The following ERN1 variants were observed in gnomAD, a reference collection of about 807,000 sequenced individuals.
ERN1 encodes the protein serine/threonine-protein kinase/endoribonuclease IRE1.
A neutral mutation model predicts 113.1 loss-of-function variants in ERN1; 39 were observed. The ratio of observed to expected loss-of-function variants is 0.34; its 90% CI spans 0.27 to 0.45. The LOEUF is 0.45. Ranked by LOEUF, ERN1 falls within the 20% of genes least tolerant of loss-of-function variation. The pLI is 1.00. For missense variants in ERN1, 976 were observed against 1,274.8 expected, an observed-to-expected ratio of 0.77 and a Z score of 3.57; for synonymous variants, 507 against 515.9, an observed-to-expected ratio of 0.98 and a Z score of 0.23.
At chr17:64,127,501 C>A (rs944616041) in intron 1 of ERN1, among the ~76,000 whole-genome samples, 1 of 152,066 alleles carries the variant, frequency 6.6e-6, no homozygotes, top group Non-Finnish European at 1.5e-5. Flanking sequence ...TGCCTGTAAT[C>A]CCAGCATTTT....
intron 6 of ERN1, among the ~76,000 whole-genome samples, chr17:64,071,532 T>C (rs548914938): frequency 3.9e-4 from 59 of 152,254 alleles, no homozygotes; most frequent in Admixed American, 8.5e-4. Context: ...GCAATTCTCC[T>C]GCCTCAGCCT....
intron 4 of ERN1, among the ~76,000 whole-genome samples, chr17:64,077,788 C>G (rs1030614174): frequency 1.3e-5 from 2 of 151,688 alleles, no homozygotes; most frequent in African/African-American, 4.8e-5. Context: ...CTCTGTTGCC[C>G]AGGCTGGAGT....
At chr17:64,058,043 C>T (rs370215062) in intron 11 of ERN1, 50 bp from the exon 12 acceptor site, 10 of 1,347,200 alleles carry the variant, frequency 7.4e-6, no homozygotes, top group Non-Finnish European at 9.1e-6. Context: ...TAGCCAGATA[C>T]AGATGAGGCC....
At chr17:64,058,320 G>T (rs909514746) in intron 11 of ERN1, among the ~76,000 whole-genome samples, 3 of 152,102 alleles carry the variant, frequency 2.0e-5, no homozygotes, top group Non-Finnish European at 4.4e-5. Flanking sequence ...TTGATGGTAG[G>T]TTCAGTATCC....
intron 6 of ERN1, among the ~76,000 whole-genome samples, chr17:64,069,747 G>C (rs978743585): frequency 1.3e-5 from 2 of 152,288 alleles, no homozygotes; most frequent in East Asian, 3.9e-4. Flanking sequence ...GAAAGACCCT[G>C]TCTCTTTAAT....
At chr17:64,088,773 G>T (rs756721725) in intron 2 of ERN1, among the ~76,000 whole-genome samples, 9 of 152,154 alleles carry the variant, frequency 5.9e-5, no homozygotes, top group Non-Finnish European at 1.3e-4. Flanking sequence ...GTGGGGACCG[G>T]AATACTCGGA....
intron 2 of ERN1, among the ~76,000 whole-genome samples, chr17:64,084,686 G>T (rs983075024): frequency 1.3e-5 from 2 of 152,174 alleles, no homozygotes; most frequent in Non-Finnish European, 2.9e-5. Context: ...ATCCTTTGGT[G>T]GTTCCCCATC....
chr17:64,060,059 G>A (rs902857639), intron 11 of ERN1, among the ~76,000 whole-genome samples: 4 of 151,960 alleles, frequency 2.6e-5, no homozygotes, highest in Admixed American at 2.6e-4. Context: ...TTTTACCCAT[G>A]TGAGCCCATT....
chr17:64,082,804 CA>C (rs1249519764), intron 2 of ERN1, among the ~76,000 whole-genome samples: 1 of 152,008 alleles, frequency 6.6e-6, no homozygotes, highest in East Asian at 1.9e-4. Flanking sequence ...TGGCAGGAGA[CA>C]GGGGAAGATT....
intron 17 of ERN1, among the ~76,000 whole-genome samples, chr17:64,051,318 T>C (rs575299167): frequency 1.3e-5 from 2 of 152,308 alleles, no homozygotes; most frequent in African/African-American, 2.4e-5. Context: ...GTAAACAGGA[T>C]ATTCACATTG....
rs1598039474 is a variant in ERN1 at position 64,041,690 on chromosome 17, C to A, written c.*2298G>T. 6.6e-6 allele frequency: 1 copy of A among 152,208 alleles called. No individual in the cohort carries two copies. Among genetic ancestry groups the A allele is most frequent in the South Asian group, 2.1e-4 (1 of 4,832 alleles). 9.4% of individuals were successfully genotyped at this position (152,208 alleles called of 1,614,324 possible). A position where few individuals can be genotyped will look rare whatever the true frequency, so the allele number is the denominator to read the frequency against. Reference sequence around the variant, plus strand: ...TAAACCGCAAACACGCGCCCTTCCCCACACACTTTGGTTTCTTTGTGGCAG... The same window carrying A: ...TAAACCGCAAACACGCGCCCTTCCCAACACACTTTGGTTTCTTTGTGGCAG... On this transcript the variant is annotated 3_prime_UTR_variant, in exon 22 of 22. Coordinates refer to ENST00000433197, the MANE Select transcript of ERN1 (RefSeq NM_001433.5).
At chr17:64,068,330 G>T in intron 6 of ERN1, 39 bp from the exon 7 acceptor site, 1 of 1,397,786 alleles carries the variant, frequency 7.2e-7, no homozygotes, top group Non-Finnish European at 1.0e-6. Context: ...ACCACGGAGG[G>T]GCCATAGTAC....
Position 64,040,131 on chromosome 17 carries a change from G to C in ERN1, c.*3857C>G, listed in dbSNP as rs764671349. ...CCAAAATAACTCCAGGTTGGTGAGG[G>C]AAGGGACAAGGAAAAGAAACACTGG... is the stretch of plus-strand genomic sequence containing the variant. On this transcript the variant is annotated 3_prime_UTR_variant, in exon 22 of 22. Coordinates refer to ENST00000433197, the MANE Select transcript of ERN1 (RefSeq NM_001433.5). 2 of 152,276 alleles carry C rather than the reference G, an allele frequency of 1.3e-5. No individual in the cohort carries two copies. The highest frequency in any genetic ancestry group is 4.8e-5 in the African/African-American group (2 of 41,424). The allele number at this position is 152,276 out of a possible 1,614,324, so 9.4% of individuals were successfully genotyped here.
In ERN1 at chr17:64,040,761, G is replaced by A. The variant is rs1422025100; in HGVS notation, c.*3227C>T. The A allele has an allele frequency of 1.3e-5, 2 of 152,202 alleles. No individual in the cohort carries two copies. Among genetic ancestry groups the A allele is most frequent in the African/African-American group, 4.8e-5 (2 of 41,426 alleles). The allele number at this position is 152,202 out of a possible 1,614,324, so 9.4% of individuals were successfully genotyped here. ...CTGCGCACCCAGGATTTCACACTTAGCCACTAGATTGCTTCACAGCTAATC... is the reference window on the plus strand; with the variant it reads ...CTGCGCACCCAGGATTTCACACTTAACCACTAGATTGCTTCACAGCTAATC... On this transcript the variant is annotated 3_prime_UTR_variant, in exon 22 of 22. Transcript: ENST00000433197.
chr17:64,105,011 T>TAC (rs58443262), intron 1 of ERN1, among the ~76,000 whole-genome samples: 15,408 of 150,736 alleles, frequency 0.1, 1,019 homozygotes, highest in African/African-American at 0.19. Context: ...AAAAGGCGTG[T>TAC]ACACACACAC....
Position 64,065,285 on chromosome 17 carries a change from G to C in ERN1, c.845C>G (p.Pro282Arg). 1 of 1,599,030 alleles carries C rather than the reference G, an allele frequency of 6.3e-7. No homozygotes were observed. The highest frequency in any genetic ancestry group is 1.7e-5 in the Admixed American group (1 of 58,072). The change falls in exon 9 of 22, where the codon CCC becomes CGC. Residue 282 changes from proline to arginine, a missense_variant and splice_region_variant. Physicochemically the swap from Pro to Arg is moderately radical, Grantham distance 103 (BLOSUM62 -2). Around this residue, in one of 5 missense-constraint regions of ERN1, gnomAD observed 459 missense variants for 581.2 expected, o/e 0.79. Coordinates refer to ENST00000433197, the MANE Select transcript of ERN1 (RefSeq NM_001433.5). ...AGAGTATTTCCCAACATACAGAGTG[G>C]GCCTAGGAGAAAAACAGATACATGC... Reference protein sequence around the residue: ...KETEAKSKLTPTLYVGKYSTS... With the variant: ...KETEAKSKLTRTLYVGKYSTS...
At chr17:64,097,983 C>T in intron 2 of ERN1, 138 bp downstream of exon 2, 1 of 1,144,564 alleles carries the variant, frequency 8.7e-7, no homozygotes, top group Non-Finnish European at 1.2e-6. Context: ...AATGCCTTTT[C>T]CTCTCTTGAT....
At chr17:64,065,074 G>A in intron 9 of ERN1, 135 bp downstream of exon 9, 2 of 613,892 alleles carry the variant, frequency 3.3e-6, no homozygotes, top group South Asian at 4.3e-5. Context: ...GGCATGTGCA[G>A]AAACTGTTTT....
At position 64,075,257 on chromosome 17, in the gene ERN1, A is replaced by G. The variant is rs1166139893; in HGVS notation, c.283-10T>C. 6.7e-7 allele frequency: 1 copy of G among 1,494,020 alleles called. No homozygotes were observed. Among genetic ancestry groups the G allele is most frequent in the East Asian group, 2.6e-5 (1 of 39,026 alleles). The allele number at this position is 1,494,020 out of a possible 1,614,324, so 92.5% of individuals were successfully genotyped here. On this transcript the variant is annotated splice_polypyrimidine_tract_variant and intron_variant, in intron 4 of 21. Transcript: ENST00000433197. ...TGGTAAAAGGAAGTTTCTTTAAAAA[A>G]AAAAAAAAAGAAAAAAAAAAGTTAA...
Sources: gnomAD v4.1 joint callset for allele counts (sites outside exome capture counted in the v4.1 genomes callset) on GRCh38, gnomAD v4.1.1 for gene constraint, gnomAD v4.1.1 regional missense constraint, MANE v1.5 for transcripts, NCBI Gene and HGNC (gene_info 2026-07-23, HGNC 2026-07-21) for gene names.